The following FAM107B variants were observed in gnomAD, a reference collection of about 807,000 sequenced individuals.
FAM107B encodes family with sequence similarity 107 member B.
FAM107B carries 21 observed loss-of-function variants against 31.5 expected under a neutral mutation model. The observed-to-expected ratio is 0.67, with a 90% CI of 0.47 to 0.96. FAM107B has a LOEUF of 0.96. Among genes scored for constraint, FAM107B ranks in the 40% least tolerant of loss-of-function variants. The pLI is 0.00. For missense variants in FAM107B, 452 were observed against 377.1 expected (o/e 1.20, Z -1.64); for synonymous variants, 157 against 141.5 (o/e 1.11, Z -0.78).
chr10:14,758,272 T>C (rs1832969237), intron 1 of FAM107B, among the ~76,000 whole-genome samples: 1 of 152,164 alleles, frequency 6.6e-6, no homozygotes, highest in African/African-American at 2.4e-5. Flanking sequence ...TTAAGGAATT[T>C]AGAAAATTGC....
rs930420632 is a variant in FAM107B, at chr10:14,519,772, G to C, written c.*1418C>G. 8 of 152,214 alleles carry C rather than the reference G, an allele frequency of 5.3e-5. No individual in the cohort carries two copies. Among genetic ancestry groups the C allele is most frequent in the African/African-American group, 1.9e-4 (8 of 41,444 alleles). The allele number at this position is 152,214 out of a possible 1,614,324, so 9.4% of individuals were successfully genotyped here. ...AGCTTTCTATGAGTCTTCAAAGAAA[G>C]TATGAGAAGTCTCTCCAATGCAGAA... is the stretch of plus-strand genomic sequence containing the variant. On this transcript the variant is annotated 3_prime_UTR_variant, in exon 5 of 5. Coordinates refer to ENST00000181796, the MANE Select transcript of FAM107B (RefSeq NM_031453.4).
At chr10:14,694,708 G>C (rs1038446203) in intron 1 of FAM107B, among the ~76,000 whole-genome samples, 33 of 152,116 alleles carry the variant, frequency 2.2e-4, no homozygotes, top group Admixed American at 1.0e-3. Flanking sequence ...CATCTTAATG[G>C]ATGTGAGGTG....
intron 3 of FAM107B, chr10:14,529,455 G>C (rs1025716210): frequency 6.6e-6 from 1 of 152,026 alleles, no homozygotes. Flanking sequence ...AATGCCCCTT[G>C]ATCCTCTTTA....
Position 14,767,018 on chromosome 10 carries a change from GTGTA to G in FAM107B, c.411+7231_411+7234del, listed in dbSNP as rs1288492333. Reference sequence around the variant, plus strand: ...AAAACTGCAGAACAATATCCCTGATGTGTATGTATATATATATATATATATATAT... The same window carrying G: ...AAAACTGCAGAACAATATCCCTGATGTGTATATATATATATATATATATAT... On this transcript the variant is annotated intron_variant, in intron 1 of 4. Transcript: ENST00000181796. Among the ~76,000 whole-genome samples, 299 of 33,342 alleles carry G rather than the reference GTGTA, an allele frequency of 9.0e-3. 18 individuals are homozygous for G. The highest frequency in any genetic ancestry group is 0.032 in the African/African-American group (284 of 8,926). 21.9% of individuals were successfully genotyped at this position (33,342 alleles called of 152,430 possible). A position where few individuals can be genotyped will look rare whatever the true frequency, so the allele number is the denominator to read the frequency against.
intron 2 of FAM107B, among the ~76,000 whole-genome samples, chr10:14,666,471 C>T (rs531070623): frequency 3.2e-4 from 48 of 152,186 alleles, no homozygotes; most frequent in African/African-American, 8.2e-4. Flanking sequence ...CCTCCTACTG[C>T]GTCCCTCCCA....
chr10:14,768,753 A>G (rs927549848), intron 1 of FAM107B, among the ~76,000 whole-genome samples: 2 of 152,222 alleles, frequency 1.3e-5, no homozygotes, highest in African/African-American at 4.8e-5. Flanking sequence ...ATTTTTGGTT[A>G]TCATTTCGCT....
At chr10:14,643,247 G>T (rs992715703) in intron 2 of FAM107B, among the ~76,000 whole-genome samples, 1 of 151,956 alleles carries the variant, frequency 6.6e-6, no homozygotes, top group Non-Finnish European at 1.5e-5. Flanking sequence ...CAGTTCAAAA[G>T]CTGGCAGGCT....
At chr10:14,658,823 C>CA (rs1240061407) in intron 2 of FAM107B, among the ~76,000 whole-genome samples, 6 of 152,228 alleles carry the variant, frequency 3.9e-5, no homozygotes, top group East Asian at 1.9e-4. Flanking sequence ...TGCAGCAGGA[C>CA]AAAAAATGGT....
At chr10:14,682,478 G>A (rs1168819060) in intron 1 of FAM107B, among the ~76,000 whole-genome samples, 6 of 152,194 alleles carry the variant, frequency 3.9e-5, no homozygotes, top group African/African-American at 7.2e-5. Flanking sequence ...GCAGTGAACC[G>A]AGATTGTGCC....
At chr10:14,732,559 A>T (rs1856198512) in intron 1 of FAM107B, among the ~76,000 whole-genome samples, 1 of 152,092 alleles carries the variant, frequency 6.6e-6, no homozygotes, top group African/African-American at 2.4e-5. Context: ...CTAAACTGTG[A>T]ACTGCTGTAT....
chr10:14,698,284 C>G lies in FAM107B; in HGVS notation c.412-30593G>C, dbSNP rs1855315493. 2.0e-5 allele frequency among the ~76,000 whole-genome samples: 3 copies of G among 152,144 alleles called. No individual in the cohort carries two copies. In the South Asian group the frequency reaches 6.2e-4, roughly 32 times the overall value. On this transcript the variant is annotated intron_variant, in intron 1 of 4. Transcript: ENST00000181796. ...AAGAGAGGTCTAAATCTACTGAGGT[C>G]CATTCCTGTGTCTTTCTAATTCTGT...
chr10:14,692,962 G>A (rs752311994), intron 1 of FAM107B, among the ~76,000 whole-genome samples: 3 of 152,176 alleles, frequency 2.0e-5, no homozygotes, highest in Non-Finnish European at 4.4e-5. Flanking sequence ...CCGTGCACAG[G>A]GCTATGACGA....
chr10:14,601,687 A>G (rs1852404002), intron 2 of FAM107B, among the ~76,000 whole-genome samples: 1 of 152,210 alleles, frequency 6.6e-6, no homozygotes, highest in Non-Finnish European at 1.5e-5. Context: ...CCCAAAATCT[A>G]GATCTCACTT....
intron 2 of FAM107B, among the ~76,000 whole-genome samples, chr10:14,577,330 G>C (rs912406881): frequency 2.0e-5 from 3 of 152,104 alleles, no homozygotes; most frequent in Admixed American, 6.6e-5. Flanking sequence ...GGGCCCAATG[G>C]AGAAAGAATC....
chr10:14,527,911 T>C (rs1846468643), intron 3 of FAM107B: 1 of 240,448 alleles, frequency 4.2e-6, no homozygotes, highest in Non-Finnish European at 8.5e-6. Context: ...TTAAAATCAC[T>C]GTATTTCTAA....
At chr10:14,636,579 G>A (rs138634646) in intron 2 of FAM107B, among the ~76,000 whole-genome samples, 1 of 151,950 alleles carries the variant, frequency 6.6e-6, no homozygotes, top group East Asian at 1.9e-4. Flanking sequence ...AGTAATATTG[G>A]ATTATGGCCC....
At chr10:14,675,718 A>G (rs1344324652) in intron 1 of FAM107B, among the ~76,000 whole-genome samples, 1 of 152,080 alleles carries the variant, frequency 6.6e-6, no homozygotes, top group Non-Finnish European at 1.5e-5. Context: ...ATTTTTTCTC[A>G]TTTCAAATAA....
chr10:14,769,386 T>C (rs148466730), intron 1 of FAM107B, among the ~76,000 whole-genome samples: 2 of 146,546 alleles, frequency 1.4e-5, no homozygotes, highest in African/African-American at 5.5e-5. Flanking sequence ...GACATTTTTG[T>C]TTTTCTTTTC....
chr10:14,764,023 T>C (rs1833112344), intron 1 of FAM107B, among the ~76,000 whole-genome samples: 1 of 152,210 alleles, frequency 6.6e-6, no homozygotes, highest in Non-Finnish European at 1.5e-5. Flanking sequence ...CAACTTCCCA[T>C]CTCTACTGCT....
Sources: gnomAD v4.1 joint callset for allele counts (sites outside exome capture counted in the v4.1 genomes callset) on GRCh38, gnomAD v4.1.1 for gene constraint, MANE v1.5 for transcripts, NCBI Gene and HGNC (gene_info 2026-07-23, HGNC 2026-07-21) for gene names.